ITIH4: variants seen among roughly 807,000 people sequenced by gnomAD.
ITIH4 encodes inter-alpha-trypsin inhibitor heavy chain H4.
A neutral mutation model predicts 111.8 loss-of-function variants in ITIH4; 79 were observed. The ratio of observed to expected loss-of-function variants is 0.71; its 90% confidence interval spans 0.59 to 0.85. ITIH4 has a LOEUF of 0.85. ITIH4 is among the 40% of genes least tolerant of loss of function. ITIH4 has a pLI of 0.00. For synonymous variants in ITIH4, 472 were observed against 468.3 expected, an observed-to-expected ratio of 1.01 and a Z score of -0.10; for missense variants, 1,065 against 1,195.8, an observed-to-expected ratio of 0.89 and a Z score of 1.61.
intron 20 of ITIH4, among the ~76,000 whole-genome samples, 183 bp downstream of exon 20, chr3:52,817,869 A>G (rs1700307064): frequency 6.6e-6 from 1 of 152,204 alleles, no homozygotes; most frequent in African/African-American, 2.4e-5. Flanking sequence ...CAAGGTGCCC[A>G]GTGGAAGGTC....
chr3:52,815,688 C>CT (rs869262086), intron 21 of ITIH4, among the ~76,000 whole-genome samples: 73 of 144,954 alleles, frequency 5.0e-4, no homozygotes, highest in East Asian at 2.6e-3. Flanking sequence ...AATTTTAGAT[C>CT]TTTTTTTTTT....
Position 52,824,364 on chromosome 3 carries a change from GC to G in ITIH4, c.1045+32del. 6.2e-7 allele frequency: 1 copy of G among 1,612,118 alleles called. No individual in the cohort carries two copies. Among genetic ancestry groups the G allele is most frequent in the East Asian group, 2.2e-5 (1 of 44,802 alleles). On this transcript the variant is annotated intron_variant, in intron 8 of 23. Transcript: ENST00000266041. This position sits in a 1 kb window ranked among gnomAD's most constrained non-coding sequence, Gnocchi z 4.3. ...TGGTCCCCAGCCAGGAGCCCTGGAA[GC>G]CCCCACCCTGCAGGGCCACAGAGAC...
intron 21 of ITIH4, among the ~76,000 whole-genome samples, chr3:52,816,428 C>T (rs538417928): frequency 2.3e-4 from 35 of 152,348 alleles, no homozygotes; most frequent in African/African-American, 5.8e-4. Flanking sequence ...GTCATCAGAA[C>T]ATCACGTCAC....
At chr3:52,819,349 A>G in intron 17 of ITIH4, 44 bp downstream of exon 17, 2 of 1,612,154 alleles carry the variant, frequency 1.2e-6, no homozygotes, top group Non-Finnish European at 1.7e-6. Context: ...CTCAAGGACC[A>G]CCGTGGGAAA....
intron 11 of ITIH4, 82 bp from the exon 12 acceptor site, chr3:52,821,212 ATTGGGG>A: frequency 6.6e-7 from 1 of 1,514,308 alleles, no homozygotes; most frequent in Non-Finnish European, 8.9e-7. Flanking sequence ...CTCTTCCATG[ATTGGGG>A]CTGGGGCAGG....
rs771020988 is a variant in ITIH4, at chr3:52,818,526, T to C, written c.2088A>G (p.Ser696=). The change falls in exon 18 of 24, where the codon TCA becomes TCG. Residue 696 remains serine (S), a synonymous_variant. Coordinates refer to ENST00000266041, the MANE Select transcript of ITIH4 (RefSeq NM_002218.5). ...PFRRLAILPA[S]APPATSNPDP... ...CAGGATTTGAGGTGGCTGGTGGTGC[T>C]GAAGCAGGCACTAGGGCAGGAACAT... The C allele has an allele frequency of 6.2e-7, 1 of 1,603,116 alleles. No homozygotes were observed. Among genetic ancestry groups the C allele is most frequent in the Non-Finnish European group, 8.5e-7 (1 of 1,174,660 alleles).
At chr3:52,816,822 C>A in intron 21 of ITIH4, 62 bp downstream of exon 21, 1 of 1,505,776 alleles carries the variant, frequency 6.6e-7, no homozygotes, top group South Asian at 1.2e-5. Context: ...CTGCTGGTAC[C>A]ATCATCAGCC....
Position 52,813,493 on chromosome 3 carries a change from G to A in ITIH4, c.2724-3C>T. On this transcript the variant is annotated splice_region_variant and splice_polypyrimidine_tract_variant and intron_variant, in intron 23 of 23. Transcript: ENST00000266041. ...CCTGGTAATCCAGCCTGCGCTCTCT[G>A]AAATGGAAAGACAGACAGATAGGCA... 2 of 1,613,698 alleles carry A rather than the reference G, an allele frequency of 1.2e-6. No individual in the cohort carries two copies. The highest frequency in any genetic ancestry group is 1.1e-5 in the South Asian group (1 of 91,072).
At chr3:52,813,905 GCCTGGCT>G in intron 23 of ITIH4, 63 bp downstream of exon 23, 1 of 1,236,374 alleles carries the variant, frequency 8.1e-7, no homozygotes, top group South Asian at 1.3e-5. Flanking sequence ...GCCCTGGAGA[GCCTGGCT>G]CCTGGCCTGC....
intron 5 of ITIH4, 41 bp downstream of exon 5, chr3:52,826,495 AGGCAG>A (rs1700480367): frequency 7.0e-7 from 1 of 1,433,360 alleles, no homozygotes; most frequent in Non-Finnish European, 9.8e-7. Context: ...GCTGGCCTGA[AGGCAG>A]GGCCCTTGGT....
rs747737620 is a variant in ITIH4 at position 52,827,210 on chromosome 3, G to A, written c.252-13C>T. ...GCCATCGATGATCCTGGGGGCAGAAGGGTGGGAGTTGTTGAGAGCCTGGTG... is the reference window on the plus strand; with the variant it reads ...GCCATCGATGATCCTGGGGGCAGAAAGGTGGGAGTTGTTGAGAGCCTGGTG... On this transcript the variant is annotated splice_polypyrimidine_tract_variant and intron_variant, in intron 2 of 23. Coordinates refer to ENST00000266041, the MANE Select transcript of ITIH4 (RefSeq NM_002218.5). 2 of 1,606,282 alleles carry A rather than the reference G, an allele frequency of 1.2e-6. No individual in the cohort carries two copies. Among genetic ancestry groups the A allele is most frequent in the Non-Finnish European group, 1.7e-6 (2 of 1,172,944 alleles).
Position 52,824,224 on chromosome 3 carries a change from G to A in ITIH4, c.1137C>T (p.Leu379=). The A allele has an allele frequency of 6.2e-7, 1 of 1,613,460 alleles. No individual in the cohort carries two copies. The highest frequency in any genetic ancestry group is 8.5e-7 in the Non-Finnish European group (1 of 1,180,034). The change falls in exon 9 of 24, where the codon CTC becomes CTT. Residue 379 remains leucine, a synonymous_variant. Coordinates refer to ENST00000266041, the MANE Select transcript of ITIH4 (RefSeq NM_002218.5). The surrounding 1 kb of genome is among the most constrained non-coding windows in gnomAD (Gnocchi z 4.3). The part of the protein sequence containing the change: ...EERLPEGSVS[L]IILLTDGDPT... ...GGTCGCCATCGGTGAGCAGGATGATGAGTGAGACACTCCCTTCGGGCAGCC... is the reference window on the plus strand; with the variant it reads ...GGTCGCCATCGGTGAGCAGGATGATAAGTGAGACACTCCCTTCGGGCAGCC...
intron 20 of ITIH4, among the ~76,000 whole-genome samples, 199 bp from the exon 21 acceptor site, chr3:52,817,257 A>G (rs1700294755): frequency 6.6e-6 from 1 of 152,168 alleles, no homozygotes. Context: ...CTTGGTGTCT[A>G]AGGCTTTGGA....
At chr3:52,819,875 C>A (rs1280927276) in intron 15 of ITIH4, 65 bp downstream of exon 15, 1 of 1,603,800 alleles carries the variant, frequency 6.2e-7, no homozygotes, top group Non-Finnish European at 8.5e-7. Context: ...CAAGGCACTA[C>A]CCTCCACAGC....
rs747588763 is a variant in ITIH4, at chr3:52,816,990, T to C, written c.2365A>G (p.Asn789Asp). ...GFSWIEVTFK[N>D]PLVWVHASPE... ...GATGCGTGAACCCATACCAGGGGGTTCTTGAAGGTCACTTCGATCCATGAG... is the reference window on the plus strand; with the variant it reads ...GATGCGTGAACCCATACCAGGGGGTCCTTGAAGGTCACTTCGATCCATGAG... Residue 789 changes from asparagine to aspartate, a missense_variant, in exon 21 of 24, where the codon AAC becomes GAC. Transcript: ENST00000266041. 2 of 1,613,976 alleles carry C rather than the reference T, an allele frequency of 1.2e-6. No individual in the cohort carries two copies. Among genetic ancestry groups the C allele is most frequent in the Non-Finnish European group, 1.7e-6 (2 of 1,179,956 alleles).
intron 11 of ITIH4, among the ~76,000 whole-genome samples, chr3:52,821,451 A>C (rs569579673): frequency 2.6e-5 from 4 of 152,138 alleles, no homozygotes; most frequent in African/African-American, 7.2e-5. Context: ...AAACAGCAGC[A>C]GGAAGGATTT....
intron 2 of ITIH4, among the ~76,000 whole-genome samples, chr3:52,828,826 C>A (rs1431815379): frequency 6.6e-6 from 1 of 152,160 alleles, no homozygotes; most frequent in Non-Finnish European, 1.5e-5. Context: ...CCTCAGGAGG[C>A]CTCAAGTCTG....
At chr3:52,815,496 C>A (rs1700266814) in intron 21 of ITIH4, among the ~76,000 whole-genome samples, 1 of 152,032 alleles carries the variant, frequency 6.6e-6, no homozygotes, top group Non-Finnish European at 1.5e-5. Context: ...CCTGCGCTGG[C>A]CTCCCAAAGT....
rs1203907801 is a variant in ITIH4 at position 52,820,682 on chromosome 3, T to G, written c.1783A>C (p.Lys595Gln). Reference protein sequence around the residue: ...VTPLTSMVVTKPDDQEQSQVA... With the variant: ...VTPLTSMVVTQPDDQEQSQVA... The stretch of plus-strand genomic sequence containing the variant: ...TGAGACTGCTCTTGGTCATCGGGTT[T>G]GGTGACTACCATAGATGTGAGAGGC... Residue 595 changes from lysine to glutamine, a missense_variant, in exon 13 of 24, where the codon AAA becomes CAA. Transcript: ENST00000266041. The G allele has an allele frequency of 3.7e-6, 6 of 1,613,922 alleles. No homozygotes were observed. The African/African-American group carries it at 8.0e-5, about 22-fold the overall frequency.
Sources: allele counts gnomAD v4.1 joint callset (sites outside exome capture counted in the v4.1 genomes callset), GRCh38; gene constraint gnomAD v4.1.1; non-coding constraint Gnocchi (gnomAD v3.1); transcripts MANE v1.5; gene names NCBI Gene and HGNC (gene_info 2026-07-23, HGNC 2026-07-21).